The following MAPK8 variants were observed in gnomAD, a reference collection of about 807,000 sequenced individuals.
MAPK8 encodes mitogen-activated protein kinase 8.
Under a neutral mutation model 52.9 loss-of-function variants are expected in MAPK8, and 13 were observed. The observed-to-expected ratio is 0.25, with a 90% confidence interval of 0.16 to 0.39. The LOEUF is 0.39. MAPK8 is among the 10% of genes least tolerant of loss of function. The pLI, the probability that MAPK8 is intolerant of heterozygous loss-of-function variation, is 1.00. For synonymous variants in MAPK8, 191 were observed against 169.8 expected, an observed-to-expected ratio of 1.12 and a Z score of -0.97; for missense variants, 300 against 519.2, an observed-to-expected ratio of 0.58 and a Z score of 4.10.
At chr10:48,363,595 A>G (rs1388433568) in intron 1 of MAPK8, among the ~76,000 whole-genome samples, 1 of 152,150 alleles carries the variant, frequency 6.6e-6, no homozygotes, top group East Asian at 1.9e-4. Context: ...ACTATCTTTT[A>G]TCAATTTTAA....
intron 1 of MAPK8, among the ~76,000 whole-genome samples, chr10:48,400,612 G>C (rs112146317): frequency 4.6e-5 from 7 of 152,282 alleles, no homozygotes; most frequent in African/African-American, 1.7e-4. Context: ...AGACTGCCTA[G>C]TAGGCAATTA....
intron 1 of MAPK8, among the ~76,000 whole-genome samples, chr10:48,314,689 C>A (rs576551707): frequency 6.6e-6 from 1 of 152,220 alleles, no homozygotes; most frequent in Admixed American, 6.5e-5. Flanking sequence ...TACCCTTAGA[C>A]GTCTTTCATC....
intron 1 of MAPK8, among the ~76,000 whole-genome samples, chr10:48,328,041 A>G (rs1235536671): frequency 1.3e-5 from 2 of 150,894 alleles, no homozygotes; most frequent in African/African-American, 2.5e-5. Context: ...TTTTGAGACA[A>G]AGAGTCTCAC....
intron 1 of MAPK8, among the ~76,000 whole-genome samples, chr10:48,394,013 A>G (rs2041763407): frequency 6.6e-6 from 1 of 151,970 alleles, no homozygotes; most frequent in Non-Finnish European, 1.5e-5. Context: ...TTCTATAGAC[A>G]TTAAATTGGA....
intron 1 of MAPK8, among the ~76,000 whole-genome samples, chr10:48,361,778 C>T (rs1847551450): frequency 6.6e-6 from 1 of 152,146 alleles, no homozygotes; most frequent in African/African-American, 2.4e-5. Flanking sequence ...CCCTAAGGTG[C>T]TGTCCTTAGT....
intron 1 of MAPK8, among the ~76,000 whole-genome samples, chr10:48,386,551 A>T (rs1190976668): frequency 6.6e-6 from 1 of 152,216 alleles, no homozygotes; most frequent in Admixed American, 6.5e-5. Flanking sequence ...AATATTTTGA[A>T]ATGTTTACCA....
intron 1 of MAPK8, among the ~76,000 whole-genome samples, chr10:48,368,853 G>T (rs911261650): frequency 2.6e-5 from 4 of 152,122 alleles, no homozygotes; most frequent in African/African-American, 9.7e-5. Flanking sequence ...CTGTTGTATC[G>T]CATAGTGTCT....
At chr10:48,400,248 G>T (rs2042092952) in intron 1 of MAPK8, among the ~76,000 whole-genome samples, 1 of 152,180 alleles carries the variant, frequency 6.6e-6, no homozygotes, top group Non-Finnish European at 1.5e-5. Flanking sequence ...AGCACTACAT[G>T]ACTAGTCCAG....
chr10:48,407,648 G>T (rs1380542036), intron 3 of MAPK8, among the ~76,000 whole-genome samples: 1 of 152,126 alleles, frequency 6.6e-6, no homozygotes. Context: ...CCCATTTGAA[G>T]TATACCATTC....
chr10:48,347,766 A>C (rs560018458), intron 1 of MAPK8, among the ~76,000 whole-genome samples: 78 of 152,164 alleles, frequency 5.1e-4, no homozygotes, highest in Non-Finnish European at 9.4e-4. Flanking sequence ...TATGGTATAT[A>C]TGTGCCACTT....
chr10:48,424,595 T>C, intron 7 of MAPK8: 1 of 1,562,852 alleles, frequency 6.4e-7, no homozygotes. Flanking sequence ...CGTATCCTTA[T>C]CTTTGGCCTA....
chr10:48,369,215 T>C (rs1178348434), intron 1 of MAPK8, among the ~76,000 whole-genome samples: 3 of 152,164 alleles, frequency 2.0e-5, no homozygotes, highest in African/African-American at 7.2e-5. Context: ...GAGAATACAG[T>C]AATCCAGGCA....
intron 1 of MAPK8, among the ~76,000 whole-genome samples, chr10:48,369,429 G>A (rs1041237116): frequency 1.3e-5 from 2 of 152,140 alleles, no homozygotes; most frequent in Non-Finnish European, 2.9e-5. Flanking sequence ...AATTTAGTGG[G>A]GATTGAAGAC....
chr10:48,365,270 G>A (rs951182194), intron 1 of MAPK8, among the ~76,000 whole-genome samples: 11 of 152,130 alleles, frequency 7.2e-5, no homozygotes, highest in African/African-American at 2.7e-4. Context: ...TTTAAAGGAT[G>A]TACTTAATTT....
intron 1 of MAPK8, among the ~76,000 whole-genome samples, chr10:48,339,770 A>G (rs1414203090): frequency 1.3e-5 from 2 of 152,236 alleles, no homozygotes; most frequent in Non-Finnish European, 2.9e-5. Context: ...TCTCAAAAGA[A>G]GACATACGAG....
intron 1 of MAPK8, among the ~76,000 whole-genome samples, chr10:48,310,536 C>T (rs1841878561): frequency 6.6e-6 from 1 of 152,110 alleles, no homozygotes; most frequent in Non-Finnish European, 1.5e-5. Flanking sequence ...ACCGTATGCT[C>T]CCAGAGACTT....
chr10:48,307,792 T>G (rs1253994349), intron 1 of MAPK8, among the ~76,000 whole-genome samples: 2 of 152,206 alleles, frequency 1.3e-5, no homozygotes, highest in Non-Finnish European at 2.9e-5. Flanking sequence ...CCTTGGCAAT[T>G]AGAACATCTG....
chr10:48,367,875 A>G (rs2132596765), intron 1 of MAPK8, among the ~76,000 whole-genome samples: 1 of 152,334 alleles, frequency 6.6e-6, no homozygotes, highest in African/African-American at 2.4e-5. Flanking sequence ...ATCAAGGCAG[A>G]AAAGCTTAAT....
At chr10:48,387,969 A>G (rs2041411600) in intron 1 of MAPK8, among the ~76,000 whole-genome samples, 3 of 152,186 alleles carry the variant, frequency 2.0e-5, no homozygotes, top group African/African-American at 4.8e-5. Flanking sequence ...ATAAAAGCCA[A>G]TATGAAATCT....
Sources: allele counts gnomAD v4.1 joint callset (sites outside exome capture counted in the v4.1 genomes callset), GRCh38; gene constraint gnomAD v4.1.1; transcripts MANE v1.5; gene names NCBI Gene and HGNC (gene_info 2026-07-23, HGNC 2026-07-21).